The following GALNT13 variants were observed in gnomAD, a reference collection of about 807,000 sequenced individuals.
GALNT13 encodes polypeptide N-acetylgalactosaminyltransferase 13.
GALNT13 carries 28 observed loss-of-function variants against 64.2 expected under a neutral mutation model. That is an observed-to-expected ratio of 0.44 (90% CI 0.32 to 0.60). The LOEUF (loss-of-function observed/expected upper bound fraction) is 0.60. Among genes scored for constraint, GALNT13 ranks in the 20% least tolerant of loss-of-function variants. The pLI, the probability that GALNT13 is intolerant of heterozygous loss-of-function variation, is 0.05. For missense variants in GALNT13, 577 were observed against 669.8 expected, an observed-to-expected ratio of 0.86 and a Z score of 1.53; for synonymous variants, 214 against 224.6, an observed-to-expected ratio of 0.95 and a Z score of 0.42.
the GALNT13 span, among the ~76,000 whole-genome samples, chr2:153,674,861 AC>A: frequency 6.6e-6 from 1 of 152,330 alleles, no homozygotes; most frequent in African/African-American, 2.4e-5. Flanking sequence ...CAAGAAAAAA[AC>A]AACCCCATGA....
chr2:154,204,018 C>G (rs753008015), intron 4 of GALNT13, among the ~76,000 whole-genome samples: 2 of 152,160 alleles, frequency 1.3e-5, no homozygotes, highest in Non-Finnish European at 2.9e-5. Context: ...ACCTCTTTAA[C>G]TATATCTCTG....
At chr2:153,140,703 C>T in the GALNT13 span, among the ~76,000 whole-genome samples, 1 of 151,962 alleles carries the variant, frequency 6.6e-6, no homozygotes, top group Non-Finnish European at 1.5e-5. Flanking sequence ...GAACTTTGCC[C>T]TCAAGTAACT....
At chr2:153,784,410 G>T in the GALNT13 span, among the ~76,000 whole-genome samples, 8 of 152,296 alleles carry the variant, frequency 5.3e-5, no homozygotes, top group Admixed American at 2.0e-4. Context: ...CTTCTAAGCG[G>T]CAAAGCATTC....
the GALNT13 span, among the ~76,000 whole-genome samples, chr2:153,714,222 A>G: frequency 1.1e-4 from 17 of 152,216 alleles, no homozygotes; most frequent in Non-Finnish European, 4.4e-5. Flanking sequence ...GAACACATTT[A>G]TCATTACCAT....
intron 8 of GALNT13, among the ~76,000 whole-genome samples, chr2:154,264,895 AT>A (rs1690903357): frequency 6.6e-6 from 1 of 151,676 alleles, no homozygotes; most frequent in South Asian, 2.1e-4. Flanking sequence ...AAAGGAAATA[AT>A]AAAGATAACA....
At chr2:153,668,061 A>G in the GALNT13 span, among the ~76,000 whole-genome samples, 1 of 152,188 alleles carries the variant, frequency 6.6e-6, no homozygotes, top group Non-Finnish European at 1.5e-5. Context: ...TAATAATTAT[A>G]TATATTCTAA....
In GALNT13 at chr2:154,140,523, A is replaced by C; in HGVS notation, c.311+18A>C. On this transcript the variant is annotated intron_variant, in intron 4 of 12. Coordinates refer to ENST00000392825, the MANE Select transcript of GALNT13 (RefSeq NM_052917.4). ...TTAGAAGGGTAAGTTTGCATTTGTT[A>C]TATAATCTTTTATATTCATAATCAC... The C allele has an allele frequency of 6.5e-7, 1 of 1,548,728 alleles. No individual in the cohort carries two copies. The highest frequency in any genetic ancestry group is 8.9e-7 in the Non-Finnish European group (1 of 1,128,314).
the GALNT13 span, among the ~76,000 whole-genome samples, chr2:153,606,092 T>C: frequency 6.6e-6 from 1 of 152,122 alleles, no homozygotes; most frequent in African/African-American, 2.4e-5. Context: ...AGGAATTTCA[T>C]GCAAGAGCAG....
At chr2:153,357,722 C>A in the GALNT13 span, among the ~76,000 whole-genome samples, 13 of 152,212 alleles carry the variant, frequency 8.5e-5, no homozygotes, top group African/African-American at 3.1e-4. Flanking sequence ...AGGTTTATTA[C>A]CCTGACCCTT....
At chr2:154,090,815 T>C (rs953577841) in intron 3 of GALNT13, among the ~76,000 whole-genome samples, 5 of 151,984 alleles carry the variant, frequency 3.3e-5, no homozygotes, top group South Asian at 2.1e-4. Flanking sequence ...ATTTAAGATA[T>C]TAAAAATCTA....
At chr2:153,783,426 T>G in the GALNT13 span, among the ~76,000 whole-genome samples, 1 of 150,610 alleles carries the variant, frequency 6.6e-6, no homozygotes, top group Non-Finnish European at 1.5e-5. Flanking sequence ...GTTTGTTTGT[T>G]TTTCCCAGAT....
At chr2:153,600,591 T>C in the GALNT13 span, among the ~76,000 whole-genome samples, 26,976 of 151,950 alleles carry the variant, frequency 0.18, 2,700 homozygotes, top group African/African-American at 0.27. Flanking sequence ...TTCGTTTCTA[T>C]GAGATCCTAA....
chr2:154,173,146 CAGAAT>C (rs768289909), intron 4 of GALNT13, among the ~76,000 whole-genome samples: 62 of 151,904 alleles, frequency 4.1e-4, no homozygotes, highest in South Asian at 1.9e-3. Context: ...ACAAATTGAA[CAGAAT>C]AGAAGACCCA....
the GALNT13 span, among the ~76,000 whole-genome samples, chr2:153,232,880 C>G: frequency 6.6e-6 from 1 of 152,184 alleles, no homozygotes; most frequent in African/African-American, 2.4e-5. Flanking sequence ...CAGTGGTCTC[C>G]TTTACTGGTT....
the GALNT13 span, among the ~76,000 whole-genome samples, chr2:153,837,189 T>C: frequency 6.6e-6 from 1 of 152,146 alleles, no homozygotes; most frequent in Non-Finnish European, 1.5e-5. Flanking sequence ...GACTTTTTAA[T>C]GATTGCCATT....
the GALNT13 span, among the ~76,000 whole-genome samples, chr2:153,453,325 AACAG>A: frequency 1.3e-4 from 20 of 152,332 alleles, no homozygotes; most frequent in Middle Eastern, 3.4e-3. Context: ...CAACAGACTA[AACAG>A]ACAGCCCACA....
chr2:153,387,304 C>G, the GALNT13 span, among the ~76,000 whole-genome samples: 2 of 152,034 alleles, frequency 1.3e-5, no homozygotes, highest in Admixed American at 1.3e-4. Flanking sequence ...ATAAGACAGA[C>G]TAGGAGTTCG....
At chr2:153,910,067 CTT>C (rs745989503) in intron 2 of GALNT13, among the ~76,000 whole-genome samples, 3 of 135,094 alleles carry the variant, frequency 2.2e-5, no homozygotes, top group Non-Finnish European at 1.6e-5. Flanking sequence ...CCTGGCTAGG[CTT>C]TTTTTTTTTT....
At chr2:153,548,249 G>T in the GALNT13 span, among the ~76,000 whole-genome samples, 31 of 152,262 alleles carry the variant, frequency 2.0e-4, 1 homozygote, top group African/African-American at 7.5e-4. Flanking sequence ...AAGCTCACAG[G>T]TGATGCCAGC....
Sources: allele counts gnomAD v4.1 joint callset (sites outside exome capture counted in the v4.1 genomes callset), GRCh38; gene constraint gnomAD v4.1.1; transcripts MANE v1.5; gene names NCBI Gene and HGNC (gene_info 2026-07-23, HGNC 2026-07-21).